Variants in MAGI3 observed in about 807,000 individuals in gnomAD.
MAGI3 encodes the protein membrane associated guanylate kinase, WW and PDZ domain containing 3, also known as membrane-associated guanylate kinase, WW and PDZ domain-containing protein 3.
Under a neutral mutation model 121.8 loss-of-function variants are expected in MAGI3, and 43 were observed. The observed-to-expected ratio is 0.35, with a 90% CI of 0.28 to 0.46. The LOEUF (loss-of-function observed/expected upper bound fraction) is 0.46, where lower values mean the gene tolerates loss of function less well. Among genes scored for constraint, MAGI3 ranks in the 20% least tolerant of loss-of-function variants. The probability of loss-of-function intolerance (pLI) is 1.00; values close to 1 mark genes in which losing one functional copy is unlikely to be tolerated. For missense variants in MAGI3, 1,547 were observed against 1,797.3 expected, an observed-to-expected ratio of 0.86 and a Z score of 2.52; for synonymous variants, 553 against 639.3, an observed-to-expected ratio of 0.86 and a Z score of 2.04.
At chr1:113,521,447 G>A (rs1244407396) in intron 1 of MAGI3, among the ~76,000 whole-genome samples, 3 of 140,144 alleles carry the variant, frequency 2.1e-5, no homozygotes, top group Non-Finnish European at 3.1e-5. Context: ...TTGCTCTGTC[G>A]CCCAGGCTGG....
At chr1:113,523,722 T>G (rs1304717654) in intron 1 of MAGI3, among the ~76,000 whole-genome samples, 1 of 152,142 alleles carries the variant, frequency 6.6e-6, no homozygotes, top group African/African-American at 2.4e-5. Context: ...ACATAAAAGT[T>G]TGGAAAATTT....
At chr1:113,621,018 C>T (rs778672012) in intron 8 of MAGI3, among the ~76,000 whole-genome samples, 3 of 152,132 alleles carry the variant, frequency 2.0e-5, no homozygotes, top group Non-Finnish European at 2.9e-5. Flanking sequence ...GGCATAAAGA[C>T]GGGAGTACCC....
chr1:113,657,234 T>G (rs188743821), intron 15 of MAGI3, among the ~76,000 whole-genome samples: 3 of 152,358 alleles, frequency 2.0e-5, no homozygotes, highest in Admixed American at 1.3e-4. Flanking sequence ...GGCTTTTCCC[T>G]AGCTATGTGA....
At chr1:113,421,009 CT>C (rs111998040) in intron 1 of MAGI3, among the ~76,000 whole-genome samples, 90 of 147,020 alleles carry the variant, frequency 6.1e-4, no homozygotes, top group African/African-American at 1.4e-3. Context: ...TAGATTAAAA[CT>C]TTTTTTTTTT....
chr1:113,536,133 A>G (rs12065882), intron 1 of MAGI3, among the ~76,000 whole-genome samples: 29,537 of 135,936 alleles, frequency 0.22, 3,076 homozygotes, highest in South Asian at 0.25. Context: ...CACAATTACT[A>G]GAAGACATGT....
chr1:113,659,405 T>A, intron 16 of MAGI3, 140 bp downstream of exon 16: 1 of 722,462 alleles, frequency 1.4e-6, no homozygotes, highest in Non-Finnish European at 2.1e-6. Context: ...ATTCTTCCCC[T>A]TTTCAATTTA....
At chr1:113,586,129 C>A (rs1201471033) in intron 4 of MAGI3, among the ~76,000 whole-genome samples, 1 of 152,114 alleles carries the variant, frequency 6.6e-6, no homozygotes, top group Non-Finnish European at 1.5e-5. Context: ...AGAATCTGCT[C>A]CTTTTGAGTA....
At chr1:113,546,461 G>A (rs1252736457) in intron 1 of MAGI3, among the ~76,000 whole-genome samples, 1 of 151,908 alleles carries the variant, frequency 6.6e-6, no homozygotes, top group East Asian at 1.9e-4. Flanking sequence ...CTCAGCCTCT[G>A]GAGTATTTGG....
chr1:113,476,187 A>AT (rs888871357), intron 1 of MAGI3, among the ~76,000 whole-genome samples: 7 of 151,898 alleles, frequency 4.6e-5, no homozygotes, highest in Admixed American at 1.3e-4. Flanking sequence ...AGATTCATTG[A>AT]TTTTTTTGAA....
At chr1:113,506,448 A>G (rs1443795564) in intron 1 of MAGI3, among the ~76,000 whole-genome samples, 2 of 151,186 alleles carry the variant, frequency 1.3e-5, no homozygotes, top group East Asian at 3.9e-4. Flanking sequence ...TGTAGATCAC[A>G]CCAGTGTTCT....
At chr1:113,446,129 C>A (rs1241653805) in intron 1 of MAGI3, among the ~76,000 whole-genome samples, 3 of 152,082 alleles carry the variant, frequency 2.0e-5, no homozygotes, top group African/African-American at 7.2e-5. Flanking sequence ...TTTGTAACTC[C>A]ACATTTTTTT....
At chr1:113,628,323 T>C (rs1011496877) in intron 9 of MAGI3, among the ~76,000 whole-genome samples, 1 of 152,134 alleles carries the variant, frequency 6.6e-6, no homozygotes, top group African/African-American at 2.4e-5. Flanking sequence ...AACTGTACAA[T>C]TTAACTTCAT....
chr1:113,600,983 G>T (rs1360207780), intron 6 of MAGI3, among the ~76,000 whole-genome samples: 5 of 152,158 alleles, frequency 3.3e-5, no homozygotes, highest in Middle Eastern at 3.4e-3. Flanking sequence ...GATTCCCTAT[G>T]TAATAAATGG....
intron 9 of MAGI3, among the ~76,000 whole-genome samples, chr1:113,640,515 G>A (rs1652390359): frequency 6.6e-6 from 1 of 152,158 alleles, no homozygotes; most frequent in Non-Finnish European, 1.5e-5. Flanking sequence ...TAAGGAAAAT[G>A]TGGTATATAT....
intron 1 of MAGI3, among the ~76,000 whole-genome samples, chr1:113,395,091 T>G (rs1651028994): frequency 7.3e-5 from 2 of 27,346 alleles, no homozygotes; most frequent in Non-Finnish European, 1.4e-4. Flanking sequence ...TTGTTAGTTT[T>G]TTTTTTTTTT....
chr1:113,590,447 C>A (rs772456855), intron 4 of MAGI3, 37 bp from the exon 5 acceptor site: 1 of 1,600,334 alleles, frequency 6.2e-7, no homozygotes, highest in East Asian at 2.2e-5. Context: ...TATAACTTTA[C>A]CCACTTTTCA....
Position 113,671,767 on chromosome 1 carries a change from C to G in MAGI3, c.2849C>G (p.Ala950Gly). Residue 950 changes from alanine (A) to glycine (G), a missense_variant, in exon 17 of 21, where the codon GCC (alanine) becomes GGC (glycine). Transcript: ENST00000307546. Reference protein sequence around the residue: ...HHGPPSGTNSARQSPALQHRP... With the variant: ...HHGPPSGTNSGRQSPALQHRP... ...GGTCCACCATCAGGAACAAACTCAG[C>G]CAGGCAAAGCCCAGCCCTGCAGCAC... 1 of 1,614,192 alleles carries G rather than the reference C, an allele frequency of 6.2e-7. No individual in the cohort carries two copies. The highest frequency in any genetic ancestry group is 1.1e-5 in the South Asian group (1 of 91,084).
chr1:113,504,392 G>T (rs535411561), intron 1 of MAGI3, among the ~76,000 whole-genome samples: 1 of 152,186 alleles, frequency 6.6e-6, no homozygotes, highest in South Asian at 2.1e-4. Flanking sequence ...AATGGATAAT[G>T]GGCAAAGGAT....
Position 113,642,256 on chromosome 1 carries a change from C to G in MAGI3, c.1706C>G (p.Ser569Ter). 1 of 1,614,162 alleles carries G rather than the reference C, an allele frequency of 6.2e-7. No individual in the cohort carries two copies. Among genetic ancestry groups the G allele is most frequent in the Non-Finnish European group, 8.5e-7 (1 of 1,180,030 alleles). Residue 569 changes from serine to a stop codon, truncating the protein, a stop_gained, in exon 10 of 21, where the codon TCA becomes TGA. Coordinates refer to ENST00000307546, the MANE Select transcript of MAGI3 (RefSeq NM_001142782.2). LOFTEE classifies it high-confidence loss of function. ...GAGCAGAGAGTATCCATGGCATCGT[C>G]AGGCAGCTCCCAGCCTGAACTAGTG... The part of the protein sequence containing the change: ...ASEQRVSMAS[S>*]GSSQPELVTI...
Sources: gnomAD v4.1 joint callset for allele counts (sites outside exome capture counted in the v4.1 genomes callset) on GRCh38, gnomAD v4.1.1 for gene constraint, MANE v1.5 for transcripts, NCBI Gene and HGNC (gene_info 2026-07-23, HGNC 2026-07-21) for gene names.